THSD4: variants seen among roughly 807,000 people sequenced by gnomAD.
THSD4 encodes thrombospondin type 1 domain containing 4, also known as thrombospondin type-1 domain-containing protein 4.
A neutral mutation model predicts 119.0 loss-of-function variants in THSD4; 69 were observed. The ratio of observed to expected loss-of-function variants is 0.58; its 90% CI spans 0.48 to 0.71. The LOEUF (loss-of-function observed/expected upper bound fraction) is 0.71. THSD4 is among the 30% of genes least tolerant of loss of function. The pLI, the probability that THSD4 is intolerant of heterozygous loss-of-function variation, is 0.00. For missense variants in THSD4, 1,393 were observed against 1,391.1 expected (o/e 1.00, Z -0.02); for synonymous variants, 524 against 540.4 (o/e 0.97, Z 0.42).
At chr15:71,146,943 G>T (rs935401624) in intron 2 of THSD4, among the ~76,000 whole-genome samples, 1 of 152,140 alleles carries the variant, frequency 6.6e-6, no homozygotes, top group South Asian at 2.1e-4. Flanking sequence ...TACCCAAAAA[G>T]GCTCAATGGA....
At chr15:71,454,763 C>T (rs771324726) in intron 7 of THSD4, among the ~76,000 whole-genome samples, 34 of 152,208 alleles carry the variant, frequency 2.2e-4, no homozygotes, top group Non-Finnish European at 4.6e-4. Flanking sequence ...CCTTTGCAAT[C>T]TCAGCTCTCC....
chr15:71,400,083 A>G (rs6494918), intron 6 of THSD4, among the ~76,000 whole-genome samples: 102,997 of 152,022 alleles, frequency 0.68, 36,127 homozygotes, highest in East Asian at 0.83. Context: ...ACCCAAGCCT[A>G]TTAAAACAGT....
chr15:71,627,784 C>T (rs1486604229), intron 7 of THSD4, among the ~76,000 whole-genome samples: 1 of 152,134 alleles, frequency 6.6e-6, no homozygotes, highest in Admixed American at 6.6e-5. Context: ...AGCTGTGAGT[C>T]ATTTGTCACT....
At chr15:71,116,233 G>A (rs1302459514) in intron 1 of THSD4, among the ~76,000 whole-genome samples, 1 of 152,206 alleles carries the variant, frequency 6.6e-6, no homozygotes, top group African/African-American at 2.4e-5. Context: ...AACCCAGCGA[G>A]CGCCTGGAGC....
intron 7 of THSD4, among the ~76,000 whole-genome samples, chr15:71,516,998 T>C (rs961642153): frequency 1.3e-5 from 2 of 152,232 alleles, no homozygotes; most frequent in African/African-American, 4.8e-5. Flanking sequence ...TAGAACATTC[T>C]GTCATCCCAG....
intron 7 of THSD4, among the ~76,000 whole-genome samples, chr15:71,505,103 A>G (rs1256064093): frequency 6.6e-6 from 1 of 152,236 alleles, no homozygotes; most frequent in Non-Finnish European, 1.5e-5. Context: ...CATGACATCA[A>G]CATGACAGTA....
chr15:71,572,724 G>A (rs1007004565), intron 7 of THSD4, among the ~76,000 whole-genome samples: 14 of 152,026 alleles, frequency 9.2e-5, no homozygotes, highest in East Asian at 7.7e-4. Context: ...TTTCCAAGTC[G>A]GAAAGTAGGG....
chr15:71,492,539 G>A (rs576154684), intron 7 of THSD4, among the ~76,000 whole-genome samples: 8 of 151,968 alleles, frequency 5.3e-5, no homozygotes, highest in Non-Finnish European at 1.0e-4. Context: ...CACCCACCTC[G>A]GCCTCCCAAA....
rs1382957385 is a variant in THSD4, at chr15:71,660,429, ATAGC to A, written c.1153-97_1153-94del. 4 of 1,425,886 alleles carry A rather than the reference ATAGC, an allele frequency of 2.8e-6. No homozygotes were observed. The South Asian group carries it at 3.7e-5, about 13-fold the overall frequency. 88.3% of individuals were successfully genotyped at this position (1,425,886 alleles called of 1,614,324 possible). On this transcript the variant is annotated intron_variant, in intron 7 of 17. Transcript: ENST00000261862. ...CACTCCTAGAATATACATTTCGTAA[ATAGC>A]TAGAAAAGAAATTTCTTGCCCAGGG...
At position 71,712,198 on chromosome 15, in the gene THSD4, CAG is replaced by C. The variant is rs57663091; in HGVS notation, c.1358-16349_1358-16348del. ...ATGGAATTTAACTGGAAATCAGTAACAGAAAGAGATCTAGAAATTTCCCAAAT... is the reference window on the plus strand; with the variant it reads ...ATGGAATTTAACTGGAAATCAGTAACAAAGAGATCTAGAAATTTCCCAAAT... On this transcript the variant is annotated intron_variant, in intron 8 of 17. Coordinates refer to ENST00000261862, the MANE Select transcript of THSD4 (RefSeq NM_024817.3). Among the ~76,000 whole-genome samples, 17 of 152,166 alleles carry C rather than the reference CAG, an allele frequency of 1.1e-4. No individual in the cohort carries two copies. The East Asian group carries it at 3.1e-3, about 28-fold the overall frequency.
intron 3 of THSD4, among the ~76,000 whole-genome samples, chr15:71,205,093 TC>T (rs1158248092): frequency 6.6e-6 from 1 of 152,184 alleles, no homozygotes; most frequent in Non-Finnish European, 1.5e-5. Context: ...CCTGGGCCTT[TC>T]CCCAGAGGTT....
intron 3 of THSD4, among the ~76,000 whole-genome samples, chr15:71,203,858 T>C (rs955293365): frequency 6.6e-6 from 1 of 152,240 alleles, no homozygotes; most frequent in African/African-American, 2.4e-5. Flanking sequence ...CTTGCCTTTG[T>C]TAAGCGGCAT....
chr15:71,190,072 T>C (rs1028983575), intron 3 of THSD4, among the ~76,000 whole-genome samples: 4 of 152,090 alleles, frequency 2.6e-5, no homozygotes, highest in African/African-American at 7.2e-5. Flanking sequence ...ATATGAGCCA[T>C]CCCCCCTTCC....
chr15:71,764,893 C>G, intron 15 of THSD4, 127 bp from the exon 16 acceptor site: 1 of 1,221,460 alleles, frequency 8.2e-7, no homozygotes, highest in Non-Finnish European at 1.1e-6. Context: ...TCCAAGTTCT[C>G]CTGGGTTCTT....
At chr15:71,326,457 G>C (rs1374367626) in intron 6 of THSD4, among the ~76,000 whole-genome samples, 1 of 149,456 alleles carries the variant, frequency 6.7e-6, no homozygotes, top group Non-Finnish European at 1.5e-5. Context: ...CGGGTGGATC[G>C]CCTGAGGTCA....
chr15:71,558,731 A>G (rs958053758), intron 7 of THSD4, among the ~76,000 whole-genome samples: 2 of 152,166 alleles, frequency 1.3e-5, no homozygotes, highest in African/African-American at 4.8e-5. Context: ...TTGGCCTCCC[A>G]AAGTGCTGGG....
intron 7 of THSD4, among the ~76,000 whole-genome samples, chr15:71,445,144 C>G (rs578051023): frequency 6.6e-6 from 1 of 152,320 alleles, no homozygotes; most frequent in South Asian, 2.1e-4. Context: ...GTTCACCTGG[C>G]AAGACACAGC....
At position 71,753,324 on chromosome 15, in the gene THSD4, C is replaced by T. The variant is rs552014250; in HGVS notation, c.2416-4578C>T. On this transcript the variant is annotated intron_variant, in intron 14 of 17. Coordinates refer to ENST00000261862, the MANE Select transcript of THSD4 (RefSeq NM_024817.3). ...GCCCATGTGCAATTTTTAATCACAA[C>T]AGGAAAAAAACACTTTTAGAAAGTC... 9.9e-5 allele frequency among the ~76,000 whole-genome samples: 15 copies of T among 152,184 alleles called. No individual in the cohort carries two copies. In the South Asian group the frequency reaches 2.9e-3, roughly 29 times the overall value.
rs983396167 is a variant in THSD4, at chr15:71,141,432, A to G, written c.-79-17A>G. ...CTAAGTAAATGTTGCTAAAAATAACATTGTTCATTTCCATAGGACTTGAAC... is the reference window on the plus strand; with the variant it reads ...CTAAGTAAATGTTGCTAAAAATAACGTTGTTCATTTCCATAGGACTTGAAC... On this transcript the variant is annotated splice_polypyrimidine_tract_variant and intron_variant, in intron 1 of 17. Transcript: ENST00000261862. 8 of 1,285,402 alleles carry G rather than the reference A, an allele frequency of 6.2e-6. No homozygotes were observed. Among genetic ancestry groups the G allele is most frequent in the Non-Finnish European group, 8.6e-6 (8 of 935,214 alleles). 79.6% of individuals were successfully genotyped at this position (1,285,402 alleles called of 1,614,324 possible).
Sources: gnomAD v4.1 joint callset for allele counts (sites outside exome capture counted in the v4.1 genomes callset) on GRCh38, gnomAD v4.1.1 for gene constraint, MANE v1.5 for transcripts, NCBI Gene and HGNC (gene_info 2026-07-23, HGNC 2026-07-21) for gene names.